Variants in PEAK3 observed in about 807,000 individuals in gnomAD.
PEAK3 encodes the protein protein PEAK3.
PEAK3 carries 15 observed loss-of-function variants against 13.3 expected under a neutral mutation model. That is an observed-to-expected ratio of 1.13 (90% CI 0.75 to 1.73). The LOEUF (loss-of-function observed/expected upper bound fraction) is 1.73, where lower values mean the gene tolerates loss of function less well. Ranked by LOEUF, PEAK3 falls within the 40% of genes most tolerant of loss-of-function variation. The pLI is 0.00. For missense variants in PEAK3, 739 were observed against 690.2 expected (o/e 1.07, Z -0.79); for synonymous variants, 347 against 341.9 (o/e 1.01, Z -0.17).
chr19:2,277,579 G>A (rs543986820), intron 3 of PEAK3, among the ~76,000 whole-genome samples: 116 of 151,390 alleles, frequency 7.7e-4, no homozygotes, highest in South Asian at 4.8e-3. Context: ...TCTTTTTTGA[G>A]ACAGAGTCTC....
In PEAK3 at chr19:2,282,109, G is replaced by A. The variant is rs1229356527; in HGVS notation, c.-27C>T. On this transcript the variant is annotated 5_prime_UTR_variant, in exon 1 of 4. Coordinates refer to ENST00000342063, the MANE Select transcript of PEAK3 (RefSeq NM_198532.3). The stretch of plus-strand genomic sequence containing the variant: ...TACCTTCAAGACTGGCGTGCCCTCT[G>A]GGGGAGGAGGGGTCCGTGGGGACAA... The A allele has an allele frequency of 2.6e-5, 4 of 152,580 alleles. No individual in the cohort carries two copies. Among genetic ancestry groups the A allele is most frequent in the Admixed American group, 2.6e-4 (4 of 15,282 alleles). The allele number at this position is 152,580 out of a possible 1,614,324, so 9.5% of individuals were successfully genotyped here.
chr19:2,278,957 G>C lies in PEAK3; in HGVS notation c.239C>G (p.Ser80Cys). 6.2e-7 allele frequency: 1 copy of C among 1,606,580 alleles called. No individual in the cohort carries two copies. Among genetic ancestry groups the C allele is most frequent in the South Asian group, 1.1e-5 (1 of 90,224 alleles). ...TCTCCGAGGCGGCTGTACTTGGATG[G>C]AGCTGGGATGGAGGGTCCTGCGGGT... ...LPTRRTLHPS[S>C]IQVQPPRRPF... Residue 80 changes from serine to cysteine, a missense_variant, in exon 3 of 4, where the codon TCC becomes TGC. Coordinates refer to ENST00000342063, the MANE Select transcript of PEAK3 (RefSeq NM_198532.3).
In PEAK3 at chr19:2,278,858, G is replaced by T. The variant is rs566199832; in HGVS notation, c.338C>A (p.Thr113Asn). 1.9e-5 allele frequency: 30 copies of T among 1,598,056 alleles called. No homozygotes were observed. The Admixed American group carries it at 2.3e-4, about 12-fold the overall frequency. Residue 113 changes from threonine (T) to asparagine (N), a missense_variant, in exon 3 of 4, where the codon ACC becomes AAC. By Grantham distance (65) the Thr-to-Asn change is moderately conservative. Transcript: ENST00000342063. Reference protein sequence around the residue: ...VGPACLPAELTFGPADAPLGL... With the variant: ...VGPACLPAELNFGPADAPLGL... ...CAGTGGGGCGTCAGCCGGGCCAAAG[G>T]TCAGCTCTGCAGGGAGACAGGCTGG...
chr19:2,276,280 C>T lies in PEAK3; in HGVS notation c.822G>A (p.Pro274=), dbSNP rs760440851. Residue 274 remains proline, a synonymous_variant, in exon 4 of 4, where the codon CCG becomes CCA. Transcript: ENST00000342063. Reference sequence around the variant, plus strand: ...GGGCCACAGCCCACACGAACTCCTCCGGCGGCTGCGTGCAGGCCTCCGCCA... The same window carrying T: ...GGGCCACAGCCCACACGAACTCCTCTGGCGGCTGCGTGCAGGCCTCCGCCA... ...QWLAEACTQP[P]EEFVWAVALL... 29 of 1,591,624 alleles carry T rather than the reference C, an allele frequency of 1.8e-5. No individual in the cohort carries two copies. The highest frequency in any genetic ancestry group is 1.7e-4 in the South Asian group (15 of 89,398).
intron 2 of PEAK3, among the ~76,000 whole-genome samples, chr19:2,280,324 G>C (rs1397613260): frequency 3.9e-5 from 6 of 152,008 alleles, no homozygotes. Flanking sequence ...GCCTCCCAAA[G>C]TGCTGGGATT....
Position 2,280,937 on chromosome 19 carries a change from T to C in PEAK3, c.-4-2A>G. The C allele has an allele frequency of 3.9e-6, 6 of 1,546,072 alleles. No homozygotes were observed. Among genetic ancestry groups the C allele is most frequent in the Admixed American group, 2.0e-5 (1 of 50,486 alleles). The stretch of plus-strand genomic sequence containing the variant: ...GGGGGCTCCGGGCTGCTCATGTTGC[T>C]GGGGAAAGGTCAAACGGGGCGTGTG... On this transcript the variant is annotated splice_acceptor_variant, in intron 1 of 3. Transcript: ENST00000342063. LOFTEE classifies it low-confidence loss of function (5UTR_SPLICE).
rs371625189 is a variant in PEAK3 at position 2,280,832 on chromosome 19, C to A, written c.82+18G>T. The A allele has an allele frequency of 3.3e-5, 53 of 1,601,818 alleles. No homozygotes were observed. The highest frequency in any genetic ancestry group is 4.3e-5 in the Non-Finnish European group (50 of 1,174,470). On this transcript the variant is annotated intron_variant, in intron 2 of 3. Transcript: ENST00000342063. ...CCCTGCACCCCCGCAGCCCAGGGCT[C>A]CCTGGGGAGCTGCTTACCAAGGTTG...
At chr19:2,278,174 T>C (rs1275219083) in intron 3 of PEAK3, among the ~76,000 whole-genome samples, 6 of 150,540 alleles carry the variant, frequency 4.0e-5, no homozygotes, top group African/African-American at 1.5e-4. Flanking sequence ...TTTTCTTTTT[T>C]TTTTTTTTGA....
rs1389280577 is a variant in PEAK3, at chr19:2,276,265, C to T, written c.837G>A (p.Trp279Ter). The T allele has an allele frequency of 6.3e-7, 1 of 1,592,664 alleles. No individual in the cohort carries two copies. Among genetic ancestry groups the T allele is most frequent in the African/African-American group, 1.3e-5 (1 of 74,434 alleles). ...ACTQPPEEFVWAVALLLLQLS... is the reference protein window; with the variant it reads ...ACTQPPEEFV ...GCTGCAGCAGCAGCAGGGCCACAGC[C>T]CACACGAACTCCTCCGGCGGCTGCG... Residue 279 changes from tryptophan (W) to a stop codon, truncating the protein, a stop_gained, in exon 4 of 4, where the codon TGG becomes TGA. Coordinates refer to ENST00000342063, the MANE Select transcript of PEAK3 (RefSeq NM_198532.3). LOFTEE classifies it low-confidence loss of function (END_TRUNC).
rs562458897 is a variant in PEAK3 at position 2,281,851 on chromosome 19, A to C, written c.-5+236T>G. Among the ~76,000 whole-genome samples the C allele has an allele frequency of 1.1e-3, 164 of 151,876 alleles. 3 individuals are homozygous for C. Among genetic ancestry groups the C allele is most frequent in the Non-Finnish European group, 8.8e-5 (6 of 67,948 alleles). On this transcript the variant is annotated intron_variant, in intron 1 of 3. Transcript: ENST00000342063. ...ATCAATTTTCCAGGCAGTGGGAAGG[A>C]CCCCCCTCTGCACGTTTGGGATGGG... is the stretch of plus-strand genomic sequence containing the variant.
chr19:2,279,019 C>T lies in PEAK3; in HGVS notation c.177G>A (p.Leu59=), dbSNP rs1398575018. The part of the protein sequence containing the change: ...STNPEPLPPP[L]PKKILTRTQS... Reference sequence around the variant, plus strand: ...GGGTCCGGGTTAGGATCTTCTTGGGCAGGGGTGGGGGCAGGGGCTCTGGGT... The same window carrying T: ...GGGTCCGGGTTAGGATCTTCTTGGGTAGGGGTGGGGGCAGGGGCTCTGGGT... Residue 59 remains leucine, a synonymous_variant, in exon 3 of 4, where the codon CTG becomes CTA. Coordinates refer to ENST00000342063, the MANE Select transcript of PEAK3 (RefSeq NM_198532.3). 4 of 1,512,512 alleles carry T rather than the reference C, an allele frequency of 2.6e-6. No homozygotes were observed. The highest frequency in any genetic ancestry group is 2.6e-5 in the South Asian group (2 of 78,272). 93.7% of individuals were successfully genotyped at this position (1,512,512 alleles called of 1,614,324 possible).
rs1447647863 is a variant in PEAK3, at chr19:2,279,114, C to T, written c.83-1G>A. On this transcript the variant is annotated splice_acceptor_variant, in intron 2 of 3. Transcript: ENST00000342063. LOFTEE classifies it high-confidence loss of function. ...GGCAGCAGGTGGGCACGGATCTGAC[C>T]TGCAGGGAGAGACAGTGGGGGAGGG... 2.1e-6 allele frequency: 3 copies of T among 1,437,134 alleles called. No homozygotes were observed. The highest frequency in any genetic ancestry group is 2.8e-6 in the Non-Finnish European group (3 of 1,090,330). The allele number at this position is 1,437,134 out of a possible 1,614,324, so 89.0% of individuals were successfully genotyped here.
intron 3 of PEAK3, among the ~76,000 whole-genome samples, chr19:2,277,040 A>G (rs958848628): frequency 6.6e-5 from 10 of 152,132 alleles, no homozygotes; most frequent in African/African-American, 1.9e-4. Flanking sequence ...AAAAAACACA[A>G]AAGCAGATCC....
rs2025377574 is a variant in PEAK3, at chr19:2,275,627, C to T, written c.*53G>A. On this transcript the variant is annotated 3_prime_UTR_variant, in exon 4 of 4. Coordinates refer to ENST00000342063, the MANE Select transcript of PEAK3 (RefSeq NM_198532.3). ...ATCATGGAGACGCTGACCTCAGCCC[C>T]AGCCCTGCCTCCTGGGCAGGCCTGG... 1 of 1,354,610 alleles carries T rather than the reference C, an allele frequency of 7.4e-7. No homozygotes were observed. Among genetic ancestry groups the T allele is most frequent in the Non-Finnish European group, 9.5e-7 (1 of 1,047,122 alleles). The allele number at this position is 1,354,610 out of a possible 1,614,324, so 83.9% of individuals were successfully genotyped here.
Position 2,275,678 on chromosome 19 carries a change from G to T in PEAK3, c.*2C>A. The T allele has an allele frequency of 6.8e-7, 1 of 1,467,630 alleles. No homozygotes were observed. Among genetic ancestry groups the T allele is most frequent in the South Asian group, 1.4e-5 (1 of 70,696 alleles). 90.9% of individuals were successfully genotyped at this position (1,467,630 alleles called of 1,614,324 possible). On this transcript the variant is annotated 3_prime_UTR_variant, in exon 4 of 4. Coordinates refer to ENST00000342063, the MANE Select transcript of PEAK3 (RefSeq NM_198532.3). The stretch of plus-strand genomic sequence containing the variant: ...ACCAGGTGTGTTCGCCCTGGGTTGG[G>T]GTCAGTCCCACAGCAGCGCCAGGGC...
At chr19:2,280,965 G>T in intron 1 of PEAK3, 30 bp from the exon 2 acceptor site, 3 of 1,433,276 alleles carry the variant, frequency 2.1e-6, no homozygotes, top group Non-Finnish European at 2.8e-6. Flanking sequence ...GGCGTGTGTG[G>T]GGTGACCGTG....
rs774312634 is a variant in PEAK3 at position 2,276,128 on chromosome 19, C to T, written c.974G>A (p.Arg325His). The change falls in exon 4 of 4, where the codon CGC becomes CAC. Residue 325 changes from arginine (R) to histidine (H), a missense_variant. Arg to His is a conservative substitution (Grantham distance 29, BLOSUM62 0). Coordinates refer to ENST00000342063, the MANE Select transcript of PEAK3 (RefSeq NM_198532.3). ...PRGCATTGPP[R>H]LLLTDFGRVC... ...GCGGCCAAAGTCAGTGAGGAGCAGGCGTGGGGGCCCCGTCGTCGCACAGCC... is the reference window on the plus strand; with the variant it reads ...GCGGCCAAAGTCAGTGAGGAGCAGGTGTGGGGGCCCCGTCGTCGCACAGCC... 4.4e-5 allele frequency: 67 copies of T among 1,536,880 alleles called. No homozygotes were observed. Among genetic ancestry groups the T allele is most frequent in the Admixed American group, 9.9e-5 (5 of 50,362 alleles).
chr19:2,281,636 C>A (rs1204102150), intron 1 of PEAK3, among the ~76,000 whole-genome samples: 1 of 128,896 alleles, frequency 7.8e-6, no homozygotes, highest in African/African-American at 3.0e-5. Context: ...TGTGTGATCC[C>A]GAGTGGGTTT....
In PEAK3 at chr19:2,276,380, G is replaced by T; in HGVS notation, c.722C>A (p.Thr241Lys). The change falls in exon 4 of 4, where the codon ACA becomes AAA. Residue 241 changes from threonine to lysine, a missense_variant. By Grantham distance (78) the Thr-to-Lys change is moderately conservative (BLOSUM62 -1). Coordinates refer to ENST00000342063, the MANE Select transcript of PEAK3 (RefSeq NM_198532.3). ...QGLCGLVPEG[T>K]LPGAPWRGAV... is the part of the protein sequence containing the mutation. ...GCCTCTCCAGGGCGCCCCGGGCAGTGTGCCTTCAGGCACCAGGCCACACAG... is the reference window on the plus strand; with the variant it reads ...GCCTCTCCAGGGCGCCCCGGGCAGTTTGCCTTCAGGCACCAGGCCACACAG... 6.3e-7 allele frequency: 1 copy of T among 1,599,934 alleles called. No individual in the cohort carries two copies.
Sources: gnomAD v4.1 joint callset for allele counts (sites outside exome capture counted in the v4.1 genomes callset) on GRCh38, gnomAD v4.1.1 for gene constraint, MANE v1.5 for transcripts, NCBI Gene and HGNC (gene_info 2026-07-23, HGNC 2026-07-21) for gene names.